Variants in ADCY9 observed in about 807,000 individuals in gnomAD.
ADCY9 encodes the protein adenylate cyclase type 9.
In ADCY9, 50 loss-of-function variants were observed where a neutral mutation model predicts 101.5. The ratio of observed to expected loss-of-function variants is 0.49; its 90% CI spans 0.39 to 0.62. The LOEUF (loss-of-function observed/expected upper bound fraction) is 0.62, where lower values mean the gene tolerates loss of function less well. ADCY9 is among the 20% of genes least tolerant of loss of function. The probability of loss-of-function intolerance (pLI) is 0.00; values close to 1 mark genes in which losing one functional copy is unlikely to be tolerated. For synonymous variants in ADCY9, 905 were observed against 769.3 expected, an observed-to-expected ratio of 1.18 and a Z score of -2.92; for missense variants, 1,662 against 1,800.4, an observed-to-expected ratio of 0.92 and a Z score of 1.39.
At chr16:4,062,232 A>G (rs1345914593) in intron 2 of ADCY9, among the ~76,000 whole-genome samples, 1 of 152,232 alleles carries the variant, frequency 6.6e-6, no homozygotes, top group African/African-American at 2.4e-5. Context: ...AGTAACCACT[A>G]AAAATATAAC....
In ADCY9 at chr16:3,992,336, G is replaced by C; in HGVS notation, c.2017C>G (p.Gln673Glu). The stretch of plus-strand genomic sequence containing the variant: ...TGGGGAGGGCTGAGGAGCCCGTTCT[G>C]AGTTTTGGGATTAGGTCCTCCAGAA... ...KASGGPNPKT[Q>E]NGLLSPPQEE... The change falls in exon 5 of 11, where the codon CAG becomes GAG. Residue 673 changes from glutamine to glutamate, a missense_variant. This residue lies in a region of ADCY9 where 624 missense variants were observed against 639.1 expected (regional missense o/e 0.98). Transcript: ENST00000294016. This position sits in a 1 kb window ranked among gnomAD's most constrained non-coding sequence, Gnocchi z 4.2. The C allele has an allele frequency of 6.2e-7, 1 of 1,614,058 alleles. No individual in the cohort carries two copies. Among genetic ancestry groups the C allele is most frequent in the Non-Finnish European group, 8.5e-7 (1 of 1,180,020 alleles).
chr16:4,020,078 A>AAAAAG (rs1555509613), intron 2 of ADCY9, among the ~76,000 whole-genome samples: 1 of 16,942 alleles, frequency 5.9e-5, no homozygotes, highest in South Asian at 1.2e-3. Flanking sequence ...CTCCATCTCA[A>AAAAAG]AAAAAGAAAA....
chr16:4,026,624 C>CTG (rs1396974530), intron 2 of ADCY9, among the ~76,000 whole-genome samples: 2 of 152,170 alleles, frequency 1.3e-5, no homozygotes, highest in Admixed American at 1.3e-4. Flanking sequence ...GATAAACACA[C>CTG]TGTGGTCCCT....
downstream of ADCY9, among the ~76,000 whole-genome samples, chr16:3,958,513 C>T (rs1024051362): frequency 7.0e-6 from 1 of 142,560 alleles, no homozygotes; most frequent in African/African-American, 2.6e-5. Flanking sequence ...GCACTTCCAG[C>T]CTGGGCAACA....
At chr16:4,077,370 C>G (rs1236563792) in intron 2 of ADCY9, among the ~76,000 whole-genome samples, 14 of 152,144 alleles carry the variant, frequency 9.2e-5, no homozygotes. Context: ...AGAGATCAAA[C>G]ACACCCTTCC....
At chr16:3,975,003 A>T (rs942727400) in intron 9 of ADCY9, among the ~76,000 whole-genome samples, 1 of 152,094 alleles carries the variant, frequency 6.6e-6, no homozygotes, top group African/African-American at 2.4e-5. Context: ...TGGATGGAGG[A>T]GTTCTGGGCC....
At chr16:3,990,130 G>A (rs901781560) in intron 5 of ADCY9, among the ~76,000 whole-genome samples, 1 of 152,090 alleles carries the variant, frequency 6.6e-6, no homozygotes, top group African/African-American at 2.4e-5. Flanking sequence ...AGCAAATATA[G>A]CTGTGTTAGC....
intron 2 of ADCY9, among the ~76,000 whole-genome samples, chr16:4,057,897 T>A (rs567452669): frequency 6.6e-6 from 1 of 151,272 alleles, no homozygotes; most frequent in Non-Finnish European, 1.5e-5. Flanking sequence ...AGAAGGAGAG[T>A]TGAGTAATCC....
At chr16:3,980,667 G>T (rs58061676) in intron 7 of ADCY9, among the ~76,000 whole-genome samples, 622 of 152,342 alleles carry the variant, frequency 4.1e-3, no homozygotes, top group African/African-American at 0.014. Context: ...CATGGACGCA[G>T]GCACAGCCTC....
chr16:4,102,480 C>G (rs2057049590), intron 2 of ADCY9, among the ~76,000 whole-genome samples: 1 of 152,164 alleles, frequency 6.6e-6, no homozygotes, highest in Non-Finnish European at 1.5e-5. Context: ...GGCTAGAGAG[C>G]AGTGGCATGA....
intron 2 of ADCY9, among the ~76,000 whole-genome samples, chr16:4,061,932 T>C (rs1412975621): frequency 1.3e-5 from 2 of 152,192 alleles, no homozygotes; most frequent in Non-Finnish European, 1.5e-5. Context: ...ATCATATACA[T>C]GACATAATAC....
chr16:4,091,596 G>A (rs940400372), intron 2 of ADCY9, among the ~76,000 whole-genome samples: 4 of 152,098 alleles, frequency 2.6e-5, no homozygotes, highest in African/African-American at 9.7e-5. Context: ...AACAAAATGT[G>A]GTTTATCCAT....
intron 2 of ADCY9, among the ~76,000 whole-genome samples, chr16:4,036,646 G>C (rs914073058): frequency 5.9e-5 from 9 of 152,014 alleles, no homozygotes; most frequent in African/African-American, 1.7e-4. Context: ...ATTTTTAGTA[G>C]AGAAAGGGTT....
intron 6 of ADCY9, among the ~76,000 whole-genome samples, chr16:3,985,387 C>T (rs1165194367): frequency 1.3e-5 from 2 of 152,100 alleles, no homozygotes; most frequent in East Asian, 1.9e-4. Context: ...CTGCCTGCCT[C>T]GGCCTCCCAA....
At chr16:4,090,168 C>A (rs924558859) in intron 2 of ADCY9, among the ~76,000 whole-genome samples, 1 of 152,082 alleles carries the variant, frequency 6.6e-6, no homozygotes, top group Admixed American at 6.6e-5. Context: ...CTGAGGTCAG[C>A]CCTGGAGCAG....
At chr16:4,069,168 T>A (rs1273657473) in intron 2 of ADCY9, among the ~76,000 whole-genome samples, 1 of 152,186 alleles carries the variant, frequency 6.6e-6, no homozygotes, top group Non-Finnish European at 1.5e-5. Flanking sequence ...GGGCCTGCGT[T>A]CCCTTTCCTC....
intron 2 of ADCY9, among the ~76,000 whole-genome samples, chr16:4,100,268 T>C (rs1448670120): frequency 5.3e-5 from 8 of 152,172 alleles, no homozygotes. Context: ...TCCCCAGCCA[T>C]GCAGAACTGT....
intron 2 of ADCY9, among the ~76,000 whole-genome samples, chr16:4,048,564 G>A (rs1214250620): frequency 6.6e-6 from 1 of 152,116 alleles, no homozygotes; most frequent in Admixed American, 6.6e-5. Flanking sequence ...GAGGGACACG[G>A]GTGAGATGAA....
chr16:3,986,710 A>G (rs1286936222), intron 6 of ADCY9, among the ~76,000 whole-genome samples: 1 of 152,016 alleles, frequency 6.6e-6, no homozygotes, highest in Non-Finnish European at 1.5e-5. Context: ...TGCCCGCCTC[A>G]GCCTCCCAAA....
Sources: allele counts gnomAD v4.1 joint callset (sites outside exome capture counted in the v4.1 genomes callset), GRCh38; gene constraint gnomAD v4.1.1; regional missense constraint gnomAD v4.1.1; non-coding constraint Gnocchi (gnomAD v3.1); transcripts MANE v1.5; gene names NCBI Gene and HGNC (gene_info 2026-07-23, HGNC 2026-07-21).